TAFA2: variants seen among roughly 807,000 people sequenced by gnomAD.
TAFA2 encodes TAFA chemokine like family member 2, also known as chemokine-like protein TAFA-2.
Under a neutral mutation model 18.8 loss-of-function variants are expected in TAFA2, and 7 were observed. The observed-to-expected ratio is 0.37, with a 90% CI of 0.21 to 0.70. The LOEUF (loss-of-function observed/expected upper bound fraction) is 0.70, where lower values mean the gene tolerates loss of function less well. TAFA2 is among the 30% of genes least tolerant of loss of function. The pLI, the probability that TAFA2 is intolerant of heterozygous loss-of-function variation, is 0.53. For missense variants in TAFA2, 122 were observed against 158.1 expected (o/e 0.77, Z 1.23); for synonymous variants, 60 against 54.2 (o/e 1.11, Z -0.47).
intron 4 of TAFA2, among the ~76,000 whole-genome samples, chr12:61,731,646 C>T (rs930972756): frequency 6.6e-6 from 1 of 152,026 alleles, no homozygotes; most frequent in African/African-American, 2.4e-5. Flanking sequence ...TTTTGTAAAA[C>T]CCCGAGAATT....
intron 4 of TAFA2, among the ~76,000 whole-genome samples, chr12:61,732,611 G>A (rs924165282): frequency 3.3e-5 from 5 of 152,024 alleles, no homozygotes; most frequent in Non-Finnish European, 5.9e-5. Context: ...GGAGGCCAGT[G>A]TTCTGTTCCT....
At chr12:61,985,785 A>G (rs1054759163) in intron 1 of TAFA2, among the ~76,000 whole-genome samples, 2 of 152,126 alleles carry the variant, frequency 1.3e-5, no homozygotes, top group Admixed American at 1.3e-4. Context: ...GCACAACCAA[A>G]TGAGATTGCT....
At chr12:62,251,321 G>T (rs2062912711) in intron 1 of TAFA2, among the ~76,000 whole-genome samples, 1 of 152,192 alleles carries the variant, frequency 6.6e-6, no homozygotes, top group Admixed American at 6.5e-5. Context: ...GCAGGCTGCT[G>T]CCAGGTGCCT....
At chr12:61,984,721 A>G (rs1483825729) in intron 1 of TAFA2, among the ~76,000 whole-genome samples, 1 of 152,230 alleles carries the variant, frequency 6.6e-6, no homozygotes, top group Admixed American at 6.5e-5. Context: ...CCACATGAAC[A>G]TACCCTCATG....
intron 2 of TAFA2, among the ~76,000 whole-genome samples, chr12:61,792,551 T>G (rs11174175): frequency 0.027 from 4,032 of 151,618 alleles, 179 homozygotes; most frequent in African/African-American, 0.091. Context: ...TAAAAGAAAT[T>G]AACTATAAAT....
At chr12:61,829,048 C>A (rs1172407473) in intron 2 of TAFA2, among the ~76,000 whole-genome samples, 2 of 151,502 alleles carry the variant, frequency 1.3e-5, no homozygotes, top group Non-Finnish European at 3.0e-5. Context: ...ATTATAATTT[C>A]AAATTGAATT....
At chr12:61,769,735 G>A (rs2120836481) in intron 2 of TAFA2, among the ~76,000 whole-genome samples, 1 of 152,178 alleles carries the variant, frequency 6.6e-6, no homozygotes, top group South Asian at 2.1e-4. Flanking sequence ...CAAAAAATCT[G>A]ATCAGCAGCC....
chr12:61,955,649 A>ATATATATATATATATG (rs1565695229), intron 1 of TAFA2, among the ~76,000 whole-genome samples: 11 of 77,516 alleles, frequency 1.4e-4, no homozygotes, highest in African/African-American at 4.3e-4. Flanking sequence ...ATATATATAT[A>ATATATATATATATATG]TATATATATA....
At chr12:61,908,201 C>T (rs1876446613) in intron 1 of TAFA2, among the ~76,000 whole-genome samples, 1 of 152,076 alleles carries the variant, frequency 6.6e-6, no homozygotes, top group South Asian at 2.1e-4. Flanking sequence ...TTTGTGTCCC[C>T]ACCCAAATCT....
intron 1 of TAFA2, among the ~76,000 whole-genome samples, chr12:62,080,039 T>G (rs533555953): frequency 6.6e-6 from 1 of 152,304 alleles, no homozygotes; most frequent in East Asian, 1.9e-4. Context: ...GGAGCTCAAG[T>G]GCTCTTCCAA....
rs144519381 is a variant in TAFA2 at position 61,828,149 on chromosome 12, C to A, written c.106+39171G>T. On this transcript the variant is annotated intron_variant, in intron 2 of 4. Coordinates refer to ENST00000416284, the MANE Select transcript of TAFA2 (RefSeq NM_178539.5). ...CTCAGCCTACCTAACATTTCAATTT[C>A]CCTTCAGCAGCATTTGATCAATCCT... 4.5e-3 allele frequency among the ~76,000 whole-genome samples: 683 copies of A among 151,992 alleles called. 2 individuals carry two copies. The highest frequency in any genetic ancestry group is 0.015 in the African/African-American group (626 of 41,544).
chr12:61,757,434 T>C (rs1869326425), intron 2 of TAFA2, among the ~76,000 whole-genome samples: 1 of 152,036 alleles, frequency 6.6e-6, no homozygotes, highest in Non-Finnish European at 1.5e-5. Flanking sequence ...TCTGTACTTC[T>C]GTTGGGGCCA....
At position 61,982,876 on chromosome 12, in the gene TAFA2, C is replaced by CAAAA. The variant is rs3031097; in HGVS notation, c.-1-115454_-1-115451dup. 1.3e-3 allele frequency among the ~76,000 whole-genome samples: 130 copies of CAAAA among 101,612 alleles called. 7 individuals are homozygous for CAAAA. The highest frequency in any genetic ancestry group is 1.9e-3 in the South Asian group (5 of 2,588). 66.7% of individuals were successfully genotyped at this position (101,612 alleles called of 152,430 possible). ...TATATTCCCACCAGCAAGTGGAAGG[C>CAAAA]AAAAAAAAAAAAAAAAAAGTTACTT... On this transcript the variant is annotated intron_variant, in intron 1 of 4. Coordinates refer to ENST00000416284, the MANE Select transcript of TAFA2 (RefSeq NM_178539.5).
At chr12:62,254,691 T>A (rs2062930264) in intron 1 of TAFA2, among the ~76,000 whole-genome samples, 1 of 152,242 alleles carries the variant, frequency 6.6e-6, no homozygotes, top group South Asian at 2.1e-4. Flanking sequence ...TGGTATCTTC[T>A]AATTTGACCT....
At chr12:61,897,395 T>C (rs968870304) in intron 1 of TAFA2, among the ~76,000 whole-genome samples, 4 of 152,154 alleles carry the variant, frequency 2.6e-5, no homozygotes, top group African/African-American at 2.4e-5. Context: ...ATTTTCACAC[T>C]GCTATAAAGA....
intron 1 of TAFA2, among the ~76,000 whole-genome samples, chr12:62,020,916 T>C (rs1018680394): frequency 6.6e-6 from 1 of 152,244 alleles, no homozygotes; most frequent in African/African-American, 2.4e-5. Context: ...GACACGTTTA[T>C]ATAAAATTTA....
chr12:62,087,533 G>T (rs1868506304), intron 1 of TAFA2, among the ~76,000 whole-genome samples: 1 of 152,098 alleles, frequency 6.6e-6, no homozygotes, highest in African/African-American at 2.4e-5. Flanking sequence ...TATAGCAAAT[G>T]CAAAGTCCTT....
At chr12:61,759,402 G>C (rs1163587190) in intron 2 of TAFA2, among the ~76,000 whole-genome samples, 2 of 150,914 alleles carry the variant, frequency 1.3e-5, no homozygotes, top group African/African-American at 5.0e-5. Context: ...ATTCTATATG[G>C]AAGCTTTAAG....
intron 1 of TAFA2, among the ~76,000 whole-genome samples, chr12:61,915,511 T>C (rs1166454795): frequency 3.9e-5 from 6 of 152,218 alleles, no homozygotes; most frequent in African/African-American, 1.4e-4. Flanking sequence ...GGATTTATTA[T>C]GAGTATTGGC....
Sources: gnomAD v4.1 joint callset for allele counts (sites outside exome capture counted in the v4.1 genomes callset) on GRCh38, gnomAD v4.1.1 for gene constraint, MANE v1.5 for transcripts, NCBI Gene and HGNC (gene_info 2026-07-23, HGNC 2026-07-21) for gene names.